Variants in STX11 observed in about 807,000 individuals in gnomAD.
STX11 encodes the protein syntaxin 11, also known as syntaxin-11.
Under a neutral mutation model 19.9 loss-of-function variants are expected in STX11, and 21 were observed. The observed-to-expected ratio is 1.06, with a 90% CI of 0.75 to 1.52. The LOEUF is 1.52. STX11 is among the 40% of genes most tolerant of loss of function. STX11 has a pLI of 0.00. For missense variants in STX11, 438 were observed against 405.9 expected (o/e 1.08, Z -0.68); for synonymous variants, 193 against 174.4 (o/e 1.11, Z -0.84).
chr6:144,149,767 C>T (rs1800945122), upstream of STX11, among the ~76,000 whole-genome samples: 1 of 152,210 alleles, frequency 6.6e-6, no homozygotes, highest in Non-Finnish European at 1.5e-5. The surrounding 1 kb of genome is among the most constrained non-coding windows in gnomAD (Gnocchi z 5.1). Flanking sequence ...TGAGCCACCG[C>T]GCCCGGCCCG....
In STX11 at chr6:144,153,360, C is replaced by T. The variant is rs1801054066; in HGVS notation, c.-6+2657C>T. On this transcript the variant is annotated intron_variant, in intron 1 of 1. Transcript: ENST00000367568. The surrounding 1 kb of genome is among the most constrained non-coding windows in gnomAD (Gnocchi z 5.0). ...TTATTGATGGAATAATGAACCTTCA[C>T]GTAGGAGGATGAATTGTCAGGCAAG... Among the ~76,000 whole-genome samples the T allele has an allele frequency of 1.3e-5, 2 of 152,054 alleles. No homozygotes were observed. Among genetic ancestry groups the T allele is most frequent in the South Asian group, 2.1e-4 (1 of 4,818 alleles).
In STX11 at chr6:144,176,172, G is replaced by T. The variant is rs1275583337; in HGVS notation, c.-5-10451G>T. Among the ~76,000 whole-genome samples, 1 of 152,164 alleles carries T rather than the reference G, an allele frequency of 6.6e-6. No homozygotes were observed. Among genetic ancestry groups the T allele is most frequent in the Non-Finnish European group, 1.5e-5 (1 of 68,034 alleles). The stretch of plus-strand genomic sequence containing the variant: ...GGGAAGAAACAGAGCAGAGAATATT[G>T]CTCCTTAACAACACTAGCGCCTCCC... On this transcript the variant is annotated intron_variant, in intron 1 of 1. Transcript: ENST00000367568. This position sits in a 1 kb window ranked among gnomAD's most constrained non-coding sequence, Gnocchi z 4.1.
the STX11 span, among the ~76,000 whole-genome samples, chr6:144,141,627 T>G: frequency 6.6e-6 from 1 of 152,084 alleles, no homozygotes; most frequent in Non-Finnish European, 1.5e-5. Context: ...AAAAATCATT[T>G]ACTTTGGAAA....
chr6:144,163,586 TC>T (rs1473530213), intron 1 of STX11, among the ~76,000 whole-genome samples: 3 of 152,118 alleles, frequency 2.0e-5, no homozygotes, highest in Middle Eastern at 3.2e-3. Flanking sequence ...CAAGTGATTC[TC>T]CCTGCCTCTG....
Position 144,187,861 on chromosome 6 carries a change from C to T in STX11, c.*370C>T. On this transcript the variant is annotated 3_prime_UTR_variant, in exon 2 of 2. Transcript: ENST00000367568. This position sits in a 1 kb window ranked among gnomAD's most constrained non-coding sequence, Gnocchi z 5.6. Reference sequence around the variant, plus strand: ...CTCAAGGAGGAAGTCAATTGGGCATCTGCTAATAGAATGAACTCATGATGG... The same window carrying T: ...CTCAAGGAGGAAGTCAATTGGGCATTTGCTAATAGAATGAACTCATGATGG... The T allele has an allele frequency of 2.6e-6, 1 of 391,058 alleles. No homozygotes were observed. Among genetic ancestry groups the T allele is most frequent in the Non-Finnish European group, 4.9e-6 (1 of 204,590 alleles). The allele number at this position is 391,058 out of a possible 1,614,324, so 24.2% of individuals were successfully genotyped here. A position where few individuals can be genotyped will look rare whatever the true frequency, so the allele number is the denominator to read the frequency against.
At chr6:144,164,792 C>G (rs1167079884) in intron 1 of STX11, among the ~76,000 whole-genome samples, 1 of 152,132 alleles carries the variant, frequency 6.6e-6, no homozygotes, top group Non-Finnish European at 1.5e-5. Context: ...CTCATGGGTA[C>G]AAGTGATTCT....
rs559072292 is a variant in STX11, at chr6:144,154,052, A to G, written c.-6+3349A>G. Among the ~76,000 whole-genome samples the G allele has an allele frequency of 2.6e-5, 4 of 152,308 alleles. No individual in the cohort carries two copies. Among genetic ancestry groups the G allele is most frequent in the Admixed American group, 1.3e-4 (2 of 15,298 alleles). On this transcript the variant is annotated intron_variant, in intron 1 of 1. Coordinates refer to ENST00000367568, the MANE Select transcript of STX11 (RefSeq NM_003764.4). This position sits in a 1 kb window ranked among gnomAD's most constrained non-coding sequence, Gnocchi z 4.7. The stretch of plus-strand genomic sequence containing the variant: ...TGCGTTAAGCCTTTTACTCGTCAGT[A>G]CAATCCTGTGAGATAGGTACTCAAA...
intron 1 of STX11, among the ~76,000 whole-genome samples, chr6:144,158,074 A>G (rs894578142): frequency 2.0e-5 from 3 of 152,134 alleles, no homozygotes; most frequent in Non-Finnish European, 4.4e-5. Context: ...GAACCCATGA[A>G]TTGACATTTT....
chr6:144,161,314 T>C (rs1181873776), intron 1 of STX11, among the ~76,000 whole-genome samples: 4 of 152,130 alleles, frequency 2.6e-5, no homozygotes, highest in African/African-American at 9.7e-5. Flanking sequence ...ACATTAACAG[T>C]TAGTGGAGGA....
chr6:144,187,488 G>A lies in STX11; in HGVS notation c.861G>A (p.Lys287=). The A allele has an allele frequency of 1.2e-6, 2 of 1,612,172 alleles. No homozygotes were observed. Among genetic ancestry groups the A allele is most frequent in the Non-Finnish European group, 1.7e-6 (2 of 1,179,936 alleles). The stretch of plus-strand genomic sequence containing the variant: ...GCTGCTTCTGCTGTCCCTGCCTCAA[G>A]TAGCAGGCCGGCCCGGGCCGCCACC... ...TLCCFCCPCL[K] Residue 287 remains lysine, a synonymous_variant, in exon 2 of 2, where the codon AAG becomes AAA. Coordinates refer to ENST00000367568, the MANE Select transcript of STX11 (RefSeq NM_003764.4). This position sits in a 1 kb window ranked among gnomAD's most constrained non-coding sequence, Gnocchi z 5.6.
In STX11 at chr6:144,183,894, C is replaced by T. The variant is rs1317705476; in HGVS notation, c.-5-2729C>T. Among the ~76,000 whole-genome samples, 1 of 152,132 alleles carries T rather than the reference C, an allele frequency of 6.6e-6. No homozygotes were observed. The highest frequency in any genetic ancestry group is 1.5e-5 in the Non-Finnish European group (1 of 68,030). On this transcript the variant is annotated intron_variant, in intron 1 of 1. Coordinates refer to ENST00000367568, the MANE Select transcript of STX11 (RefSeq NM_003764.4). This position sits in a 1 kb window ranked among gnomAD's most constrained non-coding sequence, Gnocchi z 4.6. ...AATGCTCTCCCCTCCCCCGCACTTC[C>T]CCGACAGGCCCCACTGTGCATTATT...
chr6:144,176,476 C>T lies in STX11; in HGVS notation c.-5-10147C>T, dbSNP rs1194583200. 1.3e-5 allele frequency among the ~76,000 whole-genome samples: 2 copies of T among 152,140 alleles called. No individual in the cohort carries two copies. The highest frequency in any genetic ancestry group is 4.8e-5 in the African/African-American group (2 of 41,422). On this transcript the variant is annotated intron_variant, in intron 1 of 1. Coordinates refer to ENST00000367568, the MANE Select transcript of STX11 (RefSeq NM_003764.4). The surrounding 1 kb of genome is among the most constrained non-coding windows in gnomAD (Gnocchi z 4.1). ...CTGGTTTGGGGTGCACACAGTCTGT[C>T]ACTGAGATTCGTTTTTCCTTCCTTG... is the stretch of plus-strand genomic sequence containing the variant.
chr6:144,157,436 G>A (rs1801199185), intron 1 of STX11, among the ~76,000 whole-genome samples: 1 of 152,188 alleles, frequency 6.6e-6, no homozygotes, highest in South Asian at 2.1e-4. Context: ...TCTTGGTCCA[G>A]AAGGGGATCT....
chr6:144,151,129 A>T lies in STX11; in HGVS notation c.-6+426A>T. The T allele has an allele frequency of 1.9e-6, 1 of 523,676 alleles. No homozygotes were observed. The highest frequency in any genetic ancestry group is 2.4e-6 in the Non-Finnish European group (1 of 408,268). 32.4% of individuals were successfully genotyped at this position (523,676 alleles called of 1,614,324 possible). On this transcript the variant is annotated intron_variant, in intron 1 of 1. Transcript: ENST00000367568. This position sits in a 1 kb window ranked among gnomAD's most constrained non-coding sequence, Gnocchi z 4.6. ...CTGTGTCAAAAACACCAGAATGGGT[A>T]CTTCTTGACTTGAACTTGGCGGTGT...
At position 144,187,030 on chromosome 6, in the gene STX11, C is replaced by T. The variant is rs748690313; in HGVS notation, c.403C>T (p.Leu135Phe). 9 of 1,612,310 alleles carry T rather than the reference C, an allele frequency of 5.6e-6. No individual in the cohort carries two copies. Among genetic ancestry groups the T allele is most frequent in the African/African-American group, 1.3e-5 (1 of 74,940 alleles). The change falls in exon 2 of 2, where the codon CTC becomes TTC. Residue 135 changes from leucine to phenylalanine, a missense_variant. Coordinates refer to ENST00000367568, the MANE Select transcript of STX11 (RefSeq NM_003764.4). This position sits in a 1 kb window ranked among gnomAD's most constrained non-coding sequence, Gnocchi z 5.6. ...CATTTCGCGGGCGCAGTACAACGCG[C>T]TCACCCTCACCTTCCAGCGCGCCAT... is the stretch of plus-strand genomic sequence containing the variant. ...ARISRAQYNA[L>F]TLTFQRAMHD...
chr6:144,185,126 T>C (rs1425070132), intron 1 of STX11, among the ~76,000 whole-genome samples: 1 of 152,200 alleles, frequency 6.6e-6, no homozygotes, highest in Non-Finnish European at 1.5e-5. Context: ...GCAGCTTACA[T>C]TGTTACATTA....
At position 144,185,036 on chromosome 6, in the gene STX11, T is replaced by A. The variant is rs1801991747; in HGVS notation, c.-5-1587T>A. 4.6e-5 allele frequency among the ~76,000 whole-genome samples: 7 copies of A among 152,342 alleles called. No individual in the cohort carries two copies. In the South Asian group the frequency reaches 1.4e-3, roughly 32 times the overall value. On this transcript the variant is annotated intron_variant, in intron 1 of 1. Coordinates refer to ENST00000367568, the MANE Select transcript of STX11 (RefSeq NM_003764.4). ...TCTTTTTTCTGCCTGTCAACCATACTGCTAGGAGAATCACCTTCCCCATCC... is the reference window on the plus strand; with the variant it reads ...TCTTTTTTCTGCCTGTCAACCATACAGCTAGGAGAATCACCTTCCCCATCC...
Position 144,190,559 on chromosome 6 carries a change from C to T in STX11, c.*3068C>T, listed in dbSNP as rs546547004. Reference sequence around the variant, plus strand: ...ATAAAATGGAATAAAGAAACCAAGACCCCATCTTCTGTGAATATTAGGGCT... The same window carrying T: ...ATAAAATGGAATAAAGAAACCAAGATCCCATCTTCTGTGAATATTAGGGCT... On this transcript the variant is annotated 3_prime_UTR_variant, in exon 2 of 2. Coordinates refer to ENST00000367568, the MANE Select transcript of STX11 (RefSeq NM_003764.4). Among the ~76,000 whole-genome samples, 3 of 151,438 alleles carry T rather than the reference C, an allele frequency of 2.0e-5. No homozygotes were observed. The South Asian group carries it at 6.3e-4, about 32-fold the overall frequency.
Position 144,153,670 on chromosome 6 carries a change from C to T in STX11, c.-6+2967C>T, listed in dbSNP as rs965155073. Among the ~76,000 whole-genome samples, 2 of 152,058 alleles carry T rather than the reference C, an allele frequency of 1.3e-5. No homozygotes were observed. Among genetic ancestry groups the T allele is most frequent in the East Asian group, 1.9e-4 (1 of 5,192 alleles). Reference sequence around the variant, plus strand: ...AGTGACATTGACCCTAGGAAGACACCGTGGAAACTGTTGTCATATTGCAGA... The same window carrying T: ...AGTGACATTGACCCTAGGAAGACACTGTGGAAACTGTTGTCATATTGCAGA... On this transcript the variant is annotated intron_variant, in intron 1 of 1. Transcript: ENST00000367568. The surrounding 1 kb of genome is among the most constrained non-coding windows in gnomAD (Gnocchi z 5.0).
Sources: gnomAD v4.1 joint callset for allele counts (sites outside exome capture counted in the v4.1 genomes callset) on GRCh38, gnomAD v4.1.1 for gene constraint, Gnocchi (gnomAD v3.1) non-coding constraint, MANE v1.5 for transcripts, NCBI Gene and HGNC (gene_info 2026-07-23, HGNC 2026-07-21) for gene names.